The following HDAC4 variants were observed in gnomAD, a reference collection of about 807,000 sequenced individuals.
The protein encoded by HDAC4 is histone deacetylase A.
HDAC4 carries 16 observed loss-of-function variants against 135.1 expected under a neutral mutation model. That is an observed-to-expected ratio of 0.12 (90% CI 0.08 to 0.18). The LOEUF (loss-of-function observed/expected upper bound fraction) is 0.18. Among genes scored for constraint, HDAC4 ranks in the 10% least tolerant of loss-of-function variants. HDAC4 has a pLI of 1.00. For missense variants in HDAC4, 1,143 were observed against 1,511.8 expected (o/e 0.76, Z 4.05); for synonymous variants, 685 against 653.4 (o/e 1.05, Z -0.74).
chr2:239,218,415 A>G (rs190042309), intron 3 of HDAC4, among the ~76,000 whole-genome samples: 4,610 of 151,268 alleles, frequency 0.03, 246 homozygotes, highest in African/African-American at 0.11. Flanking sequence ...GGCTAGCCAT[A>G]TGTAGAAAGC....
At chr2:239,198,793 G>A (rs1223242136) in intron 3 of HDAC4, among the ~76,000 whole-genome samples, 1 of 152,038 alleles carries the variant, frequency 6.6e-6, no homozygotes, top group East Asian at 1.9e-4. Flanking sequence ...TATCTTTCAT[G>A]AGAAATTCCA....
Position 239,346,893 on chromosome 2 carries a change from CCT to C in HDAC4, c.22+5783_22+5784del, listed in dbSNP as rs1334586458. Among the ~76,000 whole-genome samples, 31 of 117,452 alleles carry C rather than the reference CCT, an allele frequency of 2.6e-4. 1 individual carries two copies. The highest frequency in any genetic ancestry group is 4.7e-4 in the East Asian group (2 of 4,288). 77.1% of individuals were successfully genotyped at this position (117,452 alleles called of 152,430 possible). The stretch of plus-strand genomic sequence containing the variant: ...AACACACACACCCTAACACACACAC[CCT>C]GTCTCTCACACACACACCCTGTCTA... On this transcript the variant is annotated intron_variant, in intron 2 of 26. Coordinates refer to ENST00000543185, the MANE Select transcript of HDAC4 (RefSeq NM_001378414.1).
chr2:239,095,953 T>C (rs11675165), intron 16 of HDAC4, among the ~76,000 whole-genome samples: 30,733 of 152,154 alleles, frequency 0.2, 3,268 homozygotes, highest in South Asian at 0.24. Flanking sequence ...GGAGACTGGC[T>C]TGATGTAACA....
chr2:239,394,869 G>C (rs1022589123), intron 1 of HDAC4, among the ~76,000 whole-genome samples: 3 of 152,242 alleles, frequency 2.0e-5, no homozygotes, highest in Non-Finnish European at 4.4e-5. Flanking sequence ...TACAGAGCAG[G>C]CATGAGGCCC....
intron 2 of HDAC4, among the ~76,000 whole-genome samples, chr2:239,310,264 G>A (rs1296273105): frequency 6.6e-6 from 1 of 152,248 alleles, no homozygotes; most frequent in Non-Finnish European, 1.5e-5. Flanking sequence ...AGTGACTTGG[G>A]GGTCTGGTTT....
In HDAC4 at chr2:239,309,762, C is replaced by T. The variant is rs561313539; in HGVS notation, c.22+42916G>A. On this transcript the variant is annotated intron_variant, in intron 2 of 26. Coordinates refer to ENST00000543185, the MANE Select transcript of HDAC4 (RefSeq NM_001378414.1). The surrounding 1 kb of genome is among the most constrained non-coding windows in gnomAD (Gnocchi z 4.2). ...CCCCACACACCATCCCCTTCCCCTT[C>T]GCTCATCTGGGGAAGCTGTGAGGAC... 1.2e-4 allele frequency among the ~76,000 whole-genome samples: 19 copies of T among 152,346 alleles called. No individual in the cohort carries two copies. The South Asian group carries it at 3.5e-3, about 28-fold the overall frequency.
intron 2 of HDAC4, among the ~76,000 whole-genome samples, chr2:239,241,058 G>A (rs1004992852): frequency 1.3e-5 from 2 of 152,182 alleles, no homozygotes; most frequent in East Asian, 3.9e-4. Context: ...CTAGGATCAC[G>A]GAGTGAGCAC....
At chr2:239,053,168 C>T (rs186667436) in intron 26 of HDAC4, 32 bp from the exon 27 acceptor site, 772 of 1,613,508 alleles carry the variant, frequency 4.8e-4, no homozygotes, top group Non-Finnish European at 6.2e-4. Context: ...GAGATGGGGG[C>T]GTGGGGCAGG....
At chr2:239,137,255 G>A (rs1035673894) in intron 9 of HDAC4, among the ~76,000 whole-genome samples, 1 of 152,186 alleles carries the variant, frequency 6.6e-6, no homozygotes, top group African/African-American at 2.4e-5. Context: ...TGAGGCTGGC[G>A]CCCCCGGACC....
chr2:239,074,374 T>C (rs1294753216), intron 22 of HDAC4, among the ~76,000 whole-genome samples: 4 of 152,264 alleles, frequency 2.6e-5, no homozygotes, highest in African/African-American at 9.6e-5. Flanking sequence ...TTTGAAGTGC[T>C]GCTGAGCTAT....
intron 4 of HDAC4, among the ~76,000 whole-genome samples, chr2:239,185,663 G>C (rs2044504358): frequency 6.6e-6 from 1 of 152,142 alleles, no homozygotes; most frequent in Non-Finnish European, 1.5e-5. Context: ...TTCGTGGCCT[G>C]TCCTTGGACC....
rs1308516050 is a variant in HDAC4 at position 239,066,865 on chromosome 2, G to A, written c.2870-10C>T. 2 of 1,611,842 alleles carry A rather than the reference G, an allele frequency of 1.2e-6. No individual in the cohort carries two copies. Among genetic ancestry groups the A allele is most frequent in the Admixed American group, 1.7e-5 (1 of 59,564 alleles). On this transcript the variant is annotated splice_polypyrimidine_tract_variant and intron_variant, in intron 23 of 26. Coordinates refer to ENST00000543185, the MANE Select transcript of HDAC4 (RefSeq NM_001378414.1). ...GTCAGGTACCCGAAGCCTGCAACGG[G>A]AAACGGGAGACTGCAGTGTGAACGG... is the stretch of plus-strand genomic sequence containing the variant.
chr2:239,312,033 C>T (rs932274077), intron 2 of HDAC4, among the ~76,000 whole-genome samples: 2 of 152,172 alleles, frequency 1.3e-5, no homozygotes, highest in Non-Finnish European at 2.9e-5. Flanking sequence ...AAAAGCCTTA[C>T]CCAAAAATTG....
chr2:239,254,539 T>G (rs2048953828), intron 2 of HDAC4, among the ~76,000 whole-genome samples: 1 of 152,120 alleles, frequency 6.6e-6, no homozygotes, highest in South Asian at 2.1e-4. Context: ...AAGAACAGAT[T>G]AGATCTAGTT....
At chr2:239,163,043 A>G (rs559264386) in intron 6 of HDAC4, among the ~76,000 whole-genome samples, 1 of 152,174 alleles carries the variant, frequency 6.6e-6, no homozygotes, top group East Asian at 1.9e-4. Context: ...TCACTGTTTC[A>G]AGCCGCATCA....
intron 1 of HDAC4, among the ~76,000 whole-genome samples, chr2:239,382,150 AGTCAGGACCTGCACCCAC>A (rs1695463873): frequency 6.6e-6 from 1 of 152,250 alleles, no homozygotes; most frequent in East Asian, 1.9e-4. Context: ...TTCCCAAGTT[AGTCAGGACCTGCACCCAC>A]GTAACAGATT....
chr2:239,279,385 T>C (rs944194447), intron 2 of HDAC4, among the ~76,000 whole-genome samples: 3 of 152,222 alleles, frequency 2.0e-5, no homozygotes, highest in African/African-American at 7.2e-5. Context: ...AATAAACTCA[T>C]GAGGCAGTTC....
At chr2:239,391,176 G>T (rs980028735) in intron 1 of HDAC4, among the ~76,000 whole-genome samples, 1 of 152,190 alleles carries the variant, frequency 6.6e-6, no homozygotes, top group South Asian at 2.1e-4. Flanking sequence ...GGGTAGGGAC[G>T]CTGGCCCTTC....
chr2:239,221,586 G>A (rs965859093), intron 3 of HDAC4, among the ~76,000 whole-genome samples: 7 of 151,210 alleles, frequency 4.6e-5, no homozygotes, highest in Admixed American at 6.6e-5. Flanking sequence ...CTCGAGTTGC[G>A]CCTCAAAGTG....
Sources: gnomAD v4.1 joint callset for allele counts (sites outside exome capture counted in the v4.1 genomes callset) on GRCh38, gnomAD v4.1.1 for gene constraint, Gnocchi (gnomAD v3.1) non-coding constraint, MANE v1.5 for transcripts, NCBI Gene and HGNC (gene_info 2026-07-23, HGNC 2026-07-21) for gene names.